Variants in NMNAT3 observed in about 807,000 individuals in gnomAD.
NMNAT3 encodes nicotinamide nucleotide adenylyltransferase 3.
A neutral mutation model predicts 24.8 loss-of-function variants in NMNAT3; 21 were observed. That is an observed-to-expected ratio of 0.85 (90% CI 0.60 to 1.22). The LOEUF is 1.22. Ranked by LOEUF, NMNAT3 falls within the 50% of genes most tolerant of loss-of-function variation. The pLI is 0.00. For missense variants in NMNAT3, 387 were observed against 436.6 expected (o/e 0.89, Z 1.01); for synonymous variants, 136 against 155.2 (o/e 0.88, Z 0.92).
At chr3:139,646,881 C>T (rs935349919) in intron 1 of NMNAT3, among the ~76,000 whole-genome samples, 7 of 152,204 alleles carry the variant, frequency 4.6e-5, no homozygotes, top group African/African-American at 1.7e-4. Flanking sequence ...TGTACGCTCA[C>T]GAACCTTATC....
At chr3:139,578,614 G>A (rs949127367) in intron 5 of NMNAT3, among the ~76,000 whole-genome samples, 3 of 152,222 alleles carry the variant, frequency 2.0e-5, no homozygotes, top group African/African-American at 4.8e-5. Context: ...CAGTGCTACC[G>A]TCATCTGAAA....
At chr3:139,623,245 G>C (rs975553063) in intron 3 of NMNAT3, among the ~76,000 whole-genome samples, 3 of 151,980 alleles carry the variant, frequency 2.0e-5, no homozygotes, top group Non-Finnish European at 2.9e-5. Flanking sequence ...TAGAAATTAA[G>C]ATACAAACAC....
chr3:139,591,475 A>T (rs1322898391), intron 3 of NMNAT3, among the ~76,000 whole-genome samples: 1 of 152,176 alleles, frequency 6.6e-6, no homozygotes, highest in Non-Finnish European at 1.5e-5. Context: ...CCACAGCTCA[A>T]GGAGGCCTGC....
intron 1 of NMNAT3, chr3:139,672,723 T>A (rs935496441): frequency 6.6e-6 from 1 of 152,166 alleles, no homozygotes; most frequent in Non-Finnish European, 1.5e-5. Context: ...CTGGTAGGGA[T>A]TGGAGATGTA....
intron 3 of NMNAT3, among the ~76,000 whole-genome samples, chr3:139,622,771 CATATATATGATAT>C (rs2055846779): frequency 7.5e-6 from 1 of 132,490 alleles, no homozygotes; most frequent in Non-Finnish European, 1.6e-5. Flanking sequence ...TCATATATAT[CATATATATGATAT>C]ATATATGATA....
intron 3 of NMNAT3, among the ~76,000 whole-genome samples, chr3:139,587,110 C>T (rs912310921): frequency 2.0e-5 from 3 of 152,202 alleles, no homozygotes; most frequent in South Asian, 2.1e-4. Flanking sequence ...CAATACACAA[C>T]GGCACTGACA....
intron 1 of NMNAT3, among the ~76,000 whole-genome samples, chr3:139,660,247 T>C (rs528322938): frequency 2.6e-5 from 4 of 152,318 alleles, no homozygotes; most frequent in Admixed American, 2.6e-4. Context: ...CCACCGGGAA[T>C]TAACCTAAAT....
Position 139,677,889 on chromosome 3 carries a change from A to C in NMNAT3, c.-325T>G, listed in dbSNP as rs931086576. 6.6e-6 allele frequency: 1 copy of C among 152,190 alleles called. No individual in the cohort carries two copies. The highest frequency in any genetic ancestry group is 2.4e-5 in the African/African-American group (1 of 41,436). 9.4% of individuals were successfully genotyped at this position (152,190 alleles called of 1,614,324 possible). On this transcript the variant is annotated 5_prime_UTR_variant, in exon 1 of 7. Coordinates refer to ENST00000643695, the MANE Select transcript of NMNAT3 (RefSeq NM_001320510.2). The stretch of plus-strand genomic sequence containing the variant: ...CTCCGGCCCGGGCAGCCTCAGGTCT[A>C]GATCCCCTAGTACCTGAGCTGGAGG...
intron 1 of NMNAT3, among the ~76,000 whole-genome samples, chr3:139,656,108 C>G (rs1405907340): frequency 1.3e-5 from 2 of 152,214 alleles, no homozygotes; most frequent in Admixed American, 1.3e-4. Flanking sequence ...GTCTGGCTGC[C>G]TTTCTGCCCT....
chr3:139,589,860 A>T (rs1363341649), intron 3 of NMNAT3, among the ~76,000 whole-genome samples: 3 of 152,176 alleles, frequency 2.0e-5, no homozygotes, highest in Non-Finnish European at 4.4e-5. Flanking sequence ...GGTCTCAGAA[A>T]ATTTACCTCC....
chr3:139,578,742 C>T, intron 5 of NMNAT3, 130 bp downstream of exon 5: 1 of 727,586 alleles, frequency 1.4e-6, no homozygotes, highest in East Asian at 2.8e-5. Flanking sequence ...GTAGAAACTG[C>T]TTCTTGGATA....
intron 6 of NMNAT3, chr3:139,569,794 C>G (rs1205410021): frequency 1.3e-5 from 2 of 152,166 alleles, no homozygotes; most frequent in African/African-American, 2.4e-5. Context: ...TTCATTTTAA[C>G]TTTGGTGAAT....
intron 6 of NMNAT3, chr3:139,566,496 G>C (rs1251787657): frequency 6.6e-5 from 10 of 152,258 alleles, no homozygotes; most frequent in African/African-American, 1.7e-4. Context: ...ATGGTTTTAG[G>C]TCTAACATTT....
At chr3:139,658,460 T>A (rs2057314048) in intron 1 of NMNAT3, among the ~76,000 whole-genome samples, 1 of 152,222 alleles carries the variant, frequency 6.6e-6, no homozygotes. Flanking sequence ...AACTCAAAAG[T>A]GCAGACATGC....
intron 2 of NMNAT3, chr3:139,636,329 C>T (rs1404939532): frequency 2.0e-5 from 3 of 147,512 alleles, no homozygotes; most frequent in Non-Finnish European, 4.4e-5. Context: ...AAAAAATACA[C>T]CTAAGGAAAA....
intron 1 of NMNAT3, among the ~76,000 whole-genome samples, chr3:139,665,850 T>A (rs1489336645): frequency 1.3e-5 from 2 of 151,640 alleles, no homozygotes; most frequent in Non-Finnish European, 2.9e-5. Context: ...TTGTTTTGTA[T>A]AAAAAGAGTG....
At chr3:139,640,213 A>AG (rs2056652642) in intron 1 of NMNAT3, among the ~76,000 whole-genome samples, 1 of 152,158 alleles carries the variant, frequency 6.6e-6, no homozygotes, top group African/African-American at 2.4e-5. Context: ...CAACAGAAGG[A>AG]GGTCACACAG....
chr3:139,631,877 A>G (rs1164654050), intron 2 of NMNAT3, among the ~76,000 whole-genome samples: 1 of 152,106 alleles, frequency 6.6e-6, no homozygotes, highest in Admixed American at 6.6e-5. Context: ...TTGTTTCTTC[A>G]CCAGAGAACT....
intron 3 of NMNAT3, among the ~76,000 whole-genome samples, chr3:139,618,843 G>A (rs2055630256): frequency 6.6e-6 from 1 of 152,178 alleles, no homozygotes; most frequent in African/African-American, 2.4e-5. Context: ...TGGCTGTGCA[G>A]AGAAGGAAAA....
Sources: gnomAD v4.1 joint callset for allele counts (sites outside exome capture counted in the v4.1 genomes callset) on GRCh38, gnomAD v4.1.1 for gene constraint, MANE v1.5 for transcripts, NCBI Gene and HGNC (gene_info 2026-07-23, HGNC 2026-07-21) for gene names.